Variants in EYA4 observed in about 807,000 individuals in gnomAD.
EYA4 encodes the protein protein phosphatase EYA4.
In EYA4, 31 loss-of-function variants were observed where a neutral mutation model predicts 87.9. The ratio of observed to expected loss-of-function variants is 0.35; its 90% CI spans 0.27 to 0.48. The LOEUF (loss-of-function observed/expected upper bound fraction) is 0.48. Among genes scored for constraint, EYA4 ranks in the 20% least tolerant of loss-of-function variants. The pLI is 0.99. For missense variants in EYA4, 678 were observed against 761.4 expected (o/e 0.89, Z 1.29); for synonymous variants, 263 against 270.6 (o/e 0.97, Z 0.28).
At chr6:133,310,555 G>T (rs1299265754) in intron 2 of EYA4, among the ~76,000 whole-genome samples, 1 of 152,190 alleles carries the variant, frequency 6.6e-6, no homozygotes, top group African/African-American at 2.4e-5. Flanking sequence ...CATGAGAAAT[G>T]ATCGTCAAAT....
chr6:133,327,807 C>G (rs555137009), intron 2 of EYA4, among the ~76,000 whole-genome samples: 5 of 152,044 alleles, frequency 3.3e-5, no homozygotes, highest in Admixed American at 6.5e-5. Flanking sequence ...CCTATGTTTA[C>G]GGATGAGAGA....
chr6:133,411,782 A>G (rs569913340), intron 3 of EYA4, among the ~76,000 whole-genome samples: 2 of 152,348 alleles, frequency 1.3e-5, no homozygotes, highest in African/African-American at 2.4e-5. Context: ...CCTCTTATAA[A>G]TAATTCATTG....
At chr6:133,253,885 C>T (rs61210342) in intron 1 of EYA4, among the ~76,000 whole-genome samples, 3,121 of 152,126 alleles carry the variant, frequency 0.021, 105 homozygotes, top group African/African-American at 0.072. Context: ...TTTTTCCCTC[C>T]GTAACCTCAA....
Position 133,530,557 on chromosome 6 carries a change from A to C in EYA4, c.*1752A>C, listed in dbSNP as rs931161902. 1.1e-5 allele frequency: 11 copies of C among 985,856 alleles called. No individual in the cohort carries two copies. Among genetic ancestry groups the C allele is most frequent in the Non-Finnish European group, 1.1e-5 (9 of 829,936 alleles). The allele number at this position is 985,856 out of a possible 1,614,324, so 61.1% of individuals were successfully genotyped here. A position where few individuals can be genotyped will look rare whatever the true frequency, so the allele number is the denominator to read the frequency against. ...CAGAGGCTGGTTCATGAGTTCATCA[A>C]CTGAGGCCTCTGTGGCTTCAATAAA... On this transcript the variant is annotated 3_prime_UTR_variant, in exon 20 of 20. Coordinates refer to ENST00000355286, the MANE Select transcript of EYA4 (RefSeq NM_004100.5).
At chr6:133,380,404 T>C (rs1286087183) in intron 2 of EYA4, among the ~76,000 whole-genome samples, 1 of 152,142 alleles carries the variant, frequency 6.6e-6, no homozygotes, top group Admixed American at 6.5e-5. Context: ...TTCTAGTAAG[T>C]TCTTTGGGGT....
intron 2 of EYA4, among the ~76,000 whole-genome samples, chr6:133,361,628 C>T (rs992602934): frequency 6.6e-6 from 1 of 152,130 alleles, no homozygotes; most frequent in Non-Finnish European, 1.5e-5. Flanking sequence ...GGATGGGGTC[C>T]TGATAGAGAC....
At chr6:133,506,839 AAT>A (rs1487685823) in intron 14 of EYA4, among the ~76,000 whole-genome samples, 1 of 152,226 alleles carries the variant, frequency 6.6e-6, no homozygotes, top group Non-Finnish European at 1.5e-5. Context: ...AGAGTAGTTG[AAT>A]GTGTACTGCA....
intron 3 of EYA4, among the ~76,000 whole-genome samples, chr6:133,437,551 C>T (rs1791810274): frequency 6.6e-6 from 1 of 152,122 alleles, no homozygotes; most frequent in African/African-American, 2.4e-5. Flanking sequence ...AAACCAAACA[C>T]AGAATGTGTC....
chr6:133,310,988 C>G (rs1055490029), intron 2 of EYA4, among the ~76,000 whole-genome samples: 37 of 152,204 alleles, frequency 2.4e-4, no homozygotes, highest in Admixed American at 2.2e-3. Flanking sequence ...AGAGCTCAGA[C>G]TTTTCCCCTA....
At chr6:133,387,673 C>T (rs1429194612) in intron 3 of EYA4, among the ~76,000 whole-genome samples, 1 of 152,136 alleles carries the variant, frequency 6.6e-6, no homozygotes, top group African/African-American at 2.4e-5. Flanking sequence ...AATTATAAGG[C>T]ATACTTCCCC....
chr6:133,312,719 C>T (rs1453172283), intron 2 of EYA4, among the ~76,000 whole-genome samples: 1 of 152,206 alleles, frequency 6.6e-6, no homozygotes, highest in Non-Finnish European at 1.5e-5. Flanking sequence ...CCCTCAACAA[C>T]AAAGTAAATG....
rs1783140884 is a variant in EYA4 at position 133,345,711 on chromosome 6, C to G, written c.34-36681C>G. 3.3e-5 allele frequency among the ~76,000 whole-genome samples: 5 copies of G among 152,266 alleles called. No homozygotes were observed. In the South Asian group the frequency reaches 1.0e-3, roughly 32 times the overall value. ...AATGATAATTAAATTGTTAATCTGT[C>G]TGTTAACTTAGTCAACTATAAGAAA... is the stretch of plus-strand genomic sequence containing the variant. On this transcript the variant is annotated intron_variant, in intron 2 of 19. Transcript: ENST00000355286.
chr6:133,374,637 C>T lies in EYA4; in HGVS notation c.34-7755C>T, dbSNP rs552407864. Among the ~76,000 whole-genome samples, 264 of 151,998 alleles carry T rather than the reference C, an allele frequency of 1.7e-3. 1 individual carries two copies. Among genetic ancestry groups the T allele is most frequent in the Non-Finnish European group, 9.1e-4 (62 of 67,900 alleles). On this transcript the variant is annotated intron_variant, in intron 2 of 19. Transcript: ENST00000355286. ...AGACTTCCAGGTATGCAGTAGAGTC[C>T]TCTCACTTTCATAGTCAATAAATGG... is the stretch of plus-strand genomic sequence containing the variant.
intron 2 of EYA4, among the ~76,000 whole-genome samples, chr6:133,284,409 T>A (rs141891139): frequency 0.016 from 2,419 of 152,200 alleles, 34 homozygotes; most frequent in South Asian, 0.06. Flanking sequence ...CCTGGCCTCA[T>A]GTGATCCACC....
intron 17 of EYA4, among the ~76,000 whole-genome samples, chr6:133,521,837 T>G (rs1281640891): frequency 2.2e-4 from 29 of 130,704 alleles, no homozygotes; most frequent in Non-Finnish European, 4.4e-4. Flanking sequence ...AAATTGGAAA[T>G]CATCATTCTC....
At chr6:133,272,020 AT>A (rs1035666744) in intron 1 of EYA4, among the ~76,000 whole-genome samples, 19 of 152,194 alleles carry the variant, frequency 1.2e-4, no homozygotes, top group African/African-American at 4.6e-4. Context: ...GCCAAAAACC[AT>A]TGGCTACAGC....
In EYA4 at chr6:133,502,043, TTCTCTCTCTC is replaced by T. The variant is rs3836968; in HGVS notation, c.1192-4044_1192-4035del. Among the ~76,000 whole-genome samples the T allele has an allele frequency of 9.7e-3, 1,418 of 146,390 alleles. 27 individuals are homozygous for T. The highest frequency in any genetic ancestry group is 0.035 in the African/African-American group (1,353 of 39,208). The stretch of plus-strand genomic sequence containing the variant: ...GCTATTTATTTTCTTCATCTTCCTC[TTCTCTCTCTC>T]TCTCTCTCTCTCTCTCTCACTCTCT... On this transcript the variant is annotated intron_variant, in intron 13 of 19. Transcript: ENST00000355286.
At chr6:133,269,340 C>A (rs568746379) in intron 1 of EYA4, among the ~76,000 whole-genome samples, 19 of 152,076 alleles carry the variant, frequency 1.2e-4, no homozygotes, top group Non-Finnish European at 4.4e-5. Context: ...ATCCTATATA[C>A]CCTCCCTTCC....
chr6:133,428,517 C>G (rs930047121), intron 3 of EYA4, among the ~76,000 whole-genome samples: 10 of 152,174 alleles, frequency 6.6e-5, no homozygotes, highest in African/African-American at 2.2e-4. Flanking sequence ...TGTAATTTAT[C>G]TGCTCTCATA....
Sources: gnomAD v4.1 joint callset for allele counts (sites outside exome capture counted in the v4.1 genomes callset) on GRCh38, gnomAD v4.1.1 for gene constraint, MANE v1.5 for transcripts, NCBI Gene and HGNC (gene_info 2026-07-23, HGNC 2026-07-21) for gene names.